The following CIAO2A variants were observed in gnomAD, a reference collection of about 807,000 sequenced individuals.
CIAO2A encodes MIP18 family protein FAM96A.
A neutral mutation model predicts 22.4 loss-of-function variants in CIAO2A; 17 were observed. The ratio of observed to expected loss-of-function variants is 0.76; its 90% confidence interval spans 0.52 to 1.14. The LOEUF (loss-of-function observed/expected upper bound fraction) is 1.14, where lower values mean the gene tolerates loss of function less well. Among genes scored for constraint, CIAO2A ranks in the 50% most tolerant of loss-of-function variants. The pLI, the probability that CIAO2A is intolerant of heterozygous loss-of-function variation, is 0.00. For synonymous variants in CIAO2A, 74 were observed against 72.3 expected, an observed-to-expected ratio of 1.02 and a Z score of -0.12; for missense variants, 192 against 191.4, an observed-to-expected ratio of 1.00 and a Z score of -0.02.
At chr15:64,081,534 CCTT>C (rs1462763110) in intron 2 of CIAO2A, among the ~76,000 whole-genome samples, 25 of 24,406 alleles carry the variant, frequency 1.0e-3, no homozygotes, top group East Asian at 3.2e-3. Context: ...ACTCATTAAG[CCTT>C]TTTTTTTTTT....
chr15:64,089,589 G>A (rs762834620), intron 1 of CIAO2A, among the ~76,000 whole-genome samples: 19 of 152,084 alleles, frequency 1.2e-4, no homozygotes, highest in Non-Finnish European at 1.8e-4. Flanking sequence ...ATAAGTGAAA[G>A]GTGTTTTAGA....
At chr15:64,074,699 T>C (rs2080703419) in intron 4 of CIAO2A, 1 of 152,212 alleles carries the variant, frequency 6.6e-6, no homozygotes. Flanking sequence ...CTTCCCTCTC[T>C]ATAGCTCTCT....
intron 3 of CIAO2A, among the ~76,000 whole-genome samples, chr15:64,079,298 T>C (rs939340379): frequency 3.2e-4 from 49 of 152,060 alleles, no homozygotes; most frequent in Non-Finnish European, 2.5e-4. Context: ...CCCAACACTT[T>C]GAGAGGCCAA....
At chr15:64,089,067 G>A (rs1210591080) in intron 1 of CIAO2A, among the ~76,000 whole-genome samples, 3 of 152,124 alleles carry the variant, frequency 2.0e-5, no homozygotes, top group Non-Finnish European at 4.4e-5. Context: ...TCTCCAATCG[G>A]ACATTGCAGA....
rs568705106 is a variant in CIAO2A, at chr15:64,083,939, T to A, written c.290-2788A>T. Among the ~76,000 whole-genome samples, 3 of 149,808 alleles carry A rather than the reference T, an allele frequency of 2.0e-5. No individual in the cohort carries two copies. In the South Asian group the frequency reaches 6.3e-4, roughly 31 times the overall value. The stretch of plus-strand genomic sequence containing the variant: ...ACCTGGGCAACAGAGCAAGACTCTG[T>A]CTCAAAAAAAAATAAAATAAAATAA... On this transcript the variant is annotated intron_variant, in intron 2 of 4. Transcript: ENST00000300030.
intron 3 of CIAO2A, among the ~76,000 whole-genome samples, chr15:64,077,818 A>G (rs1317376913): frequency 6.6e-6 from 1 of 152,192 alleles, no homozygotes; most frequent in African/African-American, 2.4e-5. Context: ...GCCATGAAGG[A>G]TGTTACCCAT....
At chr15:64,082,138 G>C (rs2080763059) in intron 2 of CIAO2A, among the ~76,000 whole-genome samples, 1 of 152,068 alleles carries the variant, frequency 6.6e-6, no homozygotes, top group Non-Finnish European at 1.5e-5. Flanking sequence ...AGTACCATTT[G>C]GTTTTCTAAG....
At chr15:64,085,790 C>T (rs546386031) in intron 2 of CIAO2A, among the ~76,000 whole-genome samples, 1 of 151,968 alleles carries the variant, frequency 6.6e-6, no homozygotes, top group South Asian at 2.1e-4. Flanking sequence ...CTCACTGCAA[C>T]CTCCGCCTCC....
intron 3 of CIAO2A, among the ~76,000 whole-genome samples, chr15:64,077,461 C>A (rs1353133865): frequency 6.6e-6 from 1 of 152,174 alleles, no homozygotes; most frequent in Admixed American, 6.5e-5. Flanking sequence ...GAAAAGGCAG[C>A]ATTTATGCAG....
chr15:64,082,302 C>A (rs1300786858), intron 2 of CIAO2A, among the ~76,000 whole-genome samples: 6 of 152,166 alleles, frequency 3.9e-5, no homozygotes, highest in African/African-American at 1.4e-4. Context: ...GATCTCAGCT[C>A]ACTGCAACCT....
chr15:64,087,084 C>CTTTTTT (rs766247330), intron 2 of CIAO2A, among the ~76,000 whole-genome samples: 2 of 76,072 alleles, frequency 2.6e-5, no homozygotes, highest in Non-Finnish European at 4.8e-5. Flanking sequence ...GCTAATTTTG[C>CTTTTTT]TTTTTTTTTT....
chr15:64,074,573 A>G (rs544227066), intron 4 of CIAO2A: 1 of 152,342 alleles, frequency 6.6e-6, no homozygotes, highest in South Asian at 2.1e-4. Flanking sequence ...AATTCAGCCC[A>G]CAAAGAGTAT....
Position 64,075,950 on chromosome 15 carries a change from C to T in CIAO2A, c.340-413G>A, listed in dbSNP as rs572544918. On this transcript the variant is annotated intron_variant, in intron 3 of 4. Coordinates refer to ENST00000300030, the MANE Select transcript of CIAO2A (RefSeq NM_032231.7). The stretch of plus-strand genomic sequence containing the variant: ...TTGGGATTACAGGCGTGAGCCACTG[C>T]GCCCAGCGCCCCCCAAATCCTGTTT... Among the ~76,000 whole-genome samples the T allele has an allele frequency of 5.9e-5, 9 of 151,898 alleles. No homozygotes were observed. The East Asian group carries it at 1.4e-3, about 23-fold the overall frequency.
chr15:64,081,535 C>CTT (rs1216160284), intron 2 of CIAO2A, among the ~76,000 whole-genome samples: 10 of 37,020 alleles, frequency 2.7e-4, no homozygotes, highest in East Asian at 4.0e-3. Context: ...CTCATTAAGC[C>CTT]TTTTTTTTTT....
At chr15:64,073,102 C>A in intron 4 of CIAO2A, 74 bp from the exon 5 acceptor site, 2 of 966,152 alleles carry the variant, frequency 2.1e-6, no homozygotes, top group Non-Finnish European at 1.6e-6. Flanking sequence ...TTTTATTAGC[C>A]TGCTGAAACA....
At chr15:64,081,942 T>C (rs1323480511) in intron 2 of CIAO2A, among the ~76,000 whole-genome samples, 1 of 152,226 alleles carries the variant, frequency 6.6e-6, no homozygotes, top group Non-Finnish European at 1.5e-5. Flanking sequence ...CTCTCAAATT[T>C]GTAATCCTTT....
intron 2 of CIAO2A, among the ~76,000 whole-genome samples, chr15:64,085,835 C>T (rs1223682581): frequency 6.6e-6 from 1 of 151,760 alleles, no homozygotes; most frequent in South Asian, 2.1e-4. Flanking sequence ...CAGCCTCCCA[C>T]GTAGCTGGGA....
At chr15:64,093,455 C>G (rs940671228) in intron 1 of CIAO2A, among the ~76,000 whole-genome samples, 190 bp downstream of exon 1, 2 of 152,048 alleles carry the variant, frequency 1.3e-5, no homozygotes, top group African/African-American at 4.8e-5. Flanking sequence ...ACCCACACCC[C>G]CCACGTGACT....
intron 3 of CIAO2A, among the ~76,000 whole-genome samples, chr15:64,078,061 A>C (rs533322366): frequency 6.6e-6 from 1 of 152,362 alleles, no homozygotes; most frequent in African/African-American, 2.4e-5. Context: ...GTTAACAATT[A>C]GTGAATCTGA....
Sources: gnomAD v4.1 joint callset for allele counts (sites outside exome capture counted in the v4.1 genomes callset) on GRCh38, gnomAD v4.1.1 for gene constraint, MANE v1.5 for transcripts, NCBI Gene and HGNC (gene_info 2026-07-23, HGNC 2026-07-21) for gene names.